The following LRRC9 variants were observed in gnomAD, a reference collection of about 807,000 sequenced individuals.
The protein encoded by LRRC9 is leucine-rich repeat-containing protein 9.
A neutral mutation model predicts 63.2 loss-of-function variants in LRRC9; 122 were observed. That is an observed-to-expected ratio of 1.93 (90% CI 1.67 to 2.24). The LOEUF (loss-of-function observed/expected upper bound fraction) is 2.24, where lower values mean the gene tolerates loss of function less well. Ranked by LOEUF, LRRC9 falls within the 30% of genes most tolerant of loss-of-function variation. The pLI is 0.00. For synonymous variants in LRRC9, 366 were observed against 213.1 expected (o/e 1.72, Z -6.25); for missense variants, 1,071 against 627.7 (o/e 1.71, Z -7.55).
Position 59,932,126 on chromosome 14 carries a change from A to G in LRRC9, c.543+87A>G. The stretch of plus-strand genomic sequence containing the variant: ...CAGAAACTGTACTAAAAAGTCCCCC[A>G]TTAAGGAATAAGTTCATTATTTTGG... On this transcript the variant is annotated intron_variant, in intron 6 of 31. Transcript: ENST00000445360. The surrounding 1 kb of genome is among the most constrained non-coding windows in gnomAD (Gnocchi z 4.7). The G allele has an allele frequency of 1.6e-6, 1 of 625,496 alleles. No homozygotes were observed. The highest frequency in any genetic ancestry group is 2.8e-6 in the Non-Finnish European group (1 of 353,198). 38.7% of individuals were successfully genotyped at this position (625,496 alleles called of 1,614,324 possible). A position where few individuals can be genotyped will look rare whatever the true frequency, so the allele number is the denominator to read the frequency against.
chr14:59,999,060 T>C (rs1889096626), intron 18 of LRRC9, 41 bp from the exon 19 acceptor site: 2 of 620,938 alleles, frequency 3.2e-6, no homozygotes. Context: ...CCATAACATA[T>C]TTAACAGTTT....
At position 59,938,412 on chromosome 14, in the gene LRRC9, TGCCTTGCTTA is replaced by T. The variant is rs1881284810; in HGVS notation, c.567_576del (p.Pro190ArgfsTer5). 8 of 690,882 alleles carry T rather than the reference TGCCTTGCTTA, an allele frequency of 1.2e-5. No individual in the cohort carries two copies. Among genetic ancestry groups the T allele is most frequent in the Non-Finnish European group, 1.8e-5 (7 of 380,228 alleles). The allele number at this position is 690,882 out of a possible 1,614,324, so 42.8% of individuals were successfully genotyped here. ...TAGGAACTCACGAACTTAACCAGGCTGCCTTGCTTAAAGGATTTATGTCTGAATGACCCTC... is the reference window on the plus strand; with the variant it reads ...TAGGAACTCACGAACTTAACCAGGCTAAGGATTTATGTCTGAATGACCCTC... On this transcript the variant is annotated frameshift_variant, in exon 7 of 32. Coordinates refer to ENST00000445360, the Ensembl canonical transcript of LRRC9. LOFTEE classifies it high-confidence loss of function. This position sits in a 1 kb window ranked among gnomAD's most constrained non-coding sequence, Gnocchi z 4.2.
intron 13 of LRRC9, 126 bp from the exon 14 acceptor site, chr14:59,977,099 C>T: frequency 1.8e-6 from 1 of 570,824 alleles, no homozygotes. Context: ...CAGTAGCAAA[C>T]AAGAGAGCCA....
Position 59,958,902 on chromosome 14 carries a change from C to A in LRRC9, c.883-916C>A, listed in dbSNP as rs2139959330. On this transcript the variant is annotated intron_variant, in intron 8 of 31. Transcript: ENST00000445360. The surrounding 1 kb of genome is among the most constrained non-coding windows in gnomAD (Gnocchi z 4.0). ...CTTGCACTTCCTGGGTGATGTGACA[C>A]CCCACCCTGCTTCTGCTCACCCTCT... 6.6e-6 allele frequency among the ~76,000 whole-genome samples: 1 copy of A among 152,306 alleles called. No homozygotes were observed. The highest frequency in any genetic ancestry group is 6.5e-5 in the Admixed American group (1 of 15,302).
rs1025476502 is a variant in LRRC9 at position 59,975,039 on chromosome 14, A to G, written c.1639+331A>G. On this transcript the variant is annotated intron_variant, in intron 13 of 31. Transcript: ENST00000445360. Reference sequence around the variant, plus strand: ...TATATATATATGTGTCACAGCATATATATATATATATATGCTGAACTAAAC... The same window carrying G: ...TATATATATATGTGTCACAGCATATGTATATATATATATGCTGAACTAAAC... Among the ~76,000 whole-genome samples, 45 of 56,844 alleles carry G rather than the reference A, an allele frequency of 7.9e-4. 8 individuals are homozygous for G. Among genetic ancestry groups the G allele is most frequent in the African/African-American group, 2.2e-3 (38 of 17,158 alleles). 37.3% of individuals were successfully genotyped at this position (56,844 alleles called of 152,430 possible). A position where few individuals can be genotyped will look rare whatever the true frequency, so the allele number is the denominator to read the frequency against.
chr14:60,001,842 ATG>A (rs1889391908), intron 19 of LRRC9, 122 bp from the exon 20 acceptor site: 1 of 442,768 alleles, frequency 2.3e-6, no homozygotes, highest in South Asian at 5.7e-5. Context: ...GGCAAAGGAA[ATG>A]TTACATTTTA....
At chr14:60,064,115 G>C (rs990121200), downstream of LRRC9, among the ~76,000 whole-genome samples, 2 of 152,170 alleles carry the variant, frequency 1.3e-5, no homozygotes, top group Non-Finnish European at 2.9e-5. Flanking sequence ...AGGCTGAAGA[G>C]AACATGTATT....
intron 26 of LRRC9, among the ~76,000 whole-genome samples, chr14:60,021,953 T>C (rs1891148607): frequency 6.6e-6 from 1 of 151,874 alleles, no homozygotes; most frequent in South Asian, 2.1e-4. Flanking sequence ...AAAGATTGTT[T>C]TGAATATTCT....
intron 29 of LRRC9, among the ~76,000 whole-genome samples, chr14:60,037,629 A>T (rs1351392910): frequency 8.6e-5 from 13 of 151,696 alleles, no homozygotes; most frequent in Non-Finnish European, 1.8e-4. Flanking sequence ...TTTTTTCTTG[A>T]AAATTTGTTT....
At chr14:59,944,559 A>T in intron 7 of LRRC9, 30 bp from the exon 8 acceptor site, 2 of 542,706 alleles carry the variant, frequency 3.7e-6, no homozygotes, top group Non-Finnish European at 6.4e-6. Context: ...GTTTTAGCTA[A>T]TTTTTTGTTG....
intron 15 of LRRC9, among the ~76,000 whole-genome samples, chr14:59,980,870 C>T (rs1363103029): frequency 6.6e-6 from 1 of 152,192 alleles, no homozygotes; most frequent in Non-Finnish European, 1.5e-5. Flanking sequence ...TGTGACCATT[C>T]AATGATGTCA....
rs1305647807 is a variant in LRRC9, at chr14:60,053,908, A to G, written c.4131+703A>G. On this transcript the variant is annotated intron_variant, in intron 30 of 31. Coordinates refer to ENST00000445360, the Ensembl canonical transcript of LRRC9. The surrounding 1 kb of genome is among the most constrained non-coding windows in gnomAD (Gnocchi z 4.8). ...CATTATTAGAATGCTGTGGTTTGAG[A>G]AAAAAAGAGGCTGGAGGGAGAAGGG... 8.8e-6 allele frequency: 4 copies of G among 455,138 alleles called. No homozygotes were observed. Among genetic ancestry groups the G allele is most frequent in the Non-Finnish European group, 1.8e-5 (4 of 226,482 alleles). The allele number at this position is 455,138 out of a possible 1,614,324, so 28.2% of individuals were successfully genotyped here.
At chr14:59,970,167 A>G (rs1410431296) in intron 12 of LRRC9, among the ~76,000 whole-genome samples, 1 of 122,148 alleles carries the variant, frequency 8.2e-6, no homozygotes, top group Non-Finnish European at 1.6e-5. Context: ...TTATGTGTTC[A>G]TGTGTTCTCA....
At position 59,938,573 on chromosome 14, in the gene LRRC9, G is replaced by A. The variant is rs1199701020; in HGVS notation, c.726+1G>A. 2.9e-6 allele frequency: 2 copies of A among 690,984 alleles called. No individual in the cohort carries two copies. Among genetic ancestry groups the A allele is most frequent in the South Asian group, 1.5e-5 (1 of 65,532 alleles). The allele number at this position is 690,984 out of a possible 1,614,324, so 42.8% of individuals were successfully genotyped here. ...AAAGCAAATCAAGGAACTGGCAGAT[G>A]TAAGTACATCCCTAATCAGGCATCT... is the stretch of plus-strand genomic sequence containing the variant. On this transcript the variant is annotated splice_donor_variant, in intron 7 of 31. Transcript: ENST00000445360. LOFTEE classifies it high-confidence loss of function. The surrounding 1 kb of genome is among the most constrained non-coding windows in gnomAD (Gnocchi z 4.2).
At chr14:60,039,742 G>GT (rs1207825850) in intron 29 of LRRC9, among the ~76,000 whole-genome samples, 3 of 151,928 alleles carry the variant, frequency 2.0e-5, no homozygotes, top group Non-Finnish European at 4.4e-5. Flanking sequence ...TTTTTGAAGG[G>GT]TTTTTTGTGT....
chr14:59,956,516 T>A (rs1353123657), intron 8 of LRRC9, among the ~76,000 whole-genome samples: 2 of 152,226 alleles, frequency 1.3e-5, no homozygotes, highest in African/African-American at 4.8e-5. Context: ...CCCTTTATTT[T>A]GAGCCTATGT....
At chr14:60,005,436 T>C (rs1595004306) in intron 21 of LRRC9, among the ~76,000 whole-genome samples, 1 of 152,110 alleles carries the variant, frequency 6.6e-6, no homozygotes, top group Non-Finnish European at 1.5e-5. Flanking sequence ...TTCCAATCTA[T>C]ATTTTTCTTA....
chr14:59,971,625 G>T (rs1214525946), intron 12 of LRRC9, among the ~76,000 whole-genome samples: 2 of 151,836 alleles, frequency 1.3e-5, no homozygotes, highest in Non-Finnish European at 2.9e-5. Flanking sequence ...TTAATCTTTT[G>T]CTCATAAGCA....
intron 23 of LRRC9, among the ~76,000 whole-genome samples, chr14:60,013,830 C>T (rs1272230244): frequency 1.3e-5 from 2 of 152,100 alleles, no homozygotes; most frequent in African/African-American, 2.4e-5. Flanking sequence ...TGACAACATA[C>T]AGTTGGATCA....
Sources: allele counts gnomAD v4.1 joint callset (sites outside exome capture counted in the v4.1 genomes callset), GRCh38; gene constraint gnomAD v4.1.1; non-coding constraint Gnocchi (gnomAD v3.1); transcripts MANE v1.5; gene names NCBI Gene and HGNC (gene_info 2026-07-23, HGNC 2026-07-21).